The following PFKFB3 variants were observed in gnomAD, a reference collection of about 807,000 sequenced individuals.
PFKFB3 encodes 6-phosphofructo-2-kinase/fructose-2,6-biphosphatase 3, also known as 6-phosphofructo-2-kinase/fructose-2,6-bisphosphatase 3.
In PFKFB3, 33 loss-of-function variants were observed where a neutral mutation model predicts 68.0. That is an observed-to-expected ratio of 0.49 (90% confidence interval 0.37 to 0.65). The LOEUF (loss-of-function observed/expected upper bound fraction) is 0.65. PFKFB3 is among the 30% of genes least tolerant of loss of function. The pLI is 0.00. For synonymous variants in PFKFB3, 315 were observed against 288.2 expected, an observed-to-expected ratio of 1.09 and a Z score of -0.94; for missense variants, 586 against 712.2, an observed-to-expected ratio of 0.82 and a Z score of 2.02.
chr10:6,215,837 C>T lies in PFKFB3; in HGVS notation c.300-288C>T, dbSNP rs1844539177. 6.6e-6 allele frequency among the ~76,000 whole-genome samples: 1 copy of T among 152,200 alleles called. No homozygotes were observed. The highest frequency in any genetic ancestry group is 2.4e-5 in the African/African-American group (1 of 41,442). On this transcript the variant is annotated intron_variant, in intron 3 of 14. Transcript: ENST00000379775. The surrounding 1 kb of genome is among the most constrained non-coding windows in gnomAD (Gnocchi z 4.3). Reference sequence around the variant, plus strand: ...AGGCCCCACCCCAGACCAGTTAGTGCAACTCTGTGGGTGGCTCTGGGCAGC... The same window carrying T: ...AGGCCCCACCCCAGACCAGTTAGTGTAACTCTGTGGGTGGCTCTGGGCAGC...
upstream of PFKFB3, among the ~76,000 whole-genome samples, chr10:6,198,596 C>T (rs1198563641): frequency 6.6e-6 from 1 of 152,214 alleles, no homozygotes; most frequent in Non-Finnish European, 1.5e-5. Context: ...GATTCTTGTG[C>T]CTCAGCCTCC....
the PFKFB3 span, among the ~76,000 whole-genome samples, chr10:6,260,645 A>AT: frequency 6.6e-6 from 1 of 152,132 alleles, no homozygotes; most frequent in South Asian, 2.1e-4. Context: ...CATAAATCAC[A>AT]TTGTATGTAT....
At chr10:6,246,594 G>A (rs1468166996) in intron 14 of PFKFB3, among the ~76,000 whole-genome samples, 6 of 151,862 alleles carry the variant, frequency 4.0e-5, no homozygotes, top group Non-Finnish European at 8.8e-5. Flanking sequence ...CGCCCGCGTC[G>A]GCCTCCCAAA....
chr10:6,250,097 G>A (rs1846347312), intron 14 of PFKFB3, among the ~76,000 whole-genome samples: 1 of 152,128 alleles, frequency 6.6e-6, no homozygotes, highest in Non-Finnish European at 1.5e-5. Context: ...CCTACTACAG[G>A]GAAAGTGTTA....
the PFKFB3 span, among the ~76,000 whole-genome samples, chr10:6,284,661 T>G: frequency 6.6e-6 from 1 of 152,240 alleles, no homozygotes; most frequent in Non-Finnish European, 1.5e-5. Flanking sequence ...TTCATAGTGT[T>G]TGCCAAGTAT....
At position 6,223,966 on chromosome 10, in the gene PFKFB3, C is replaced by T. The variant is rs756837478; in HGVS notation, c.1222C>T (p.Pro408Ser). Residue 408 changes from proline (P) to serine (S), a missense_variant, in exon 12 of 15, where the codon CCC (proline) becomes TCC (serine). Coordinates refer to ENST00000379775, the MANE Select transcript of PFKFB3 (RefSeq NM_004566.4). ...TACAATTTCAATTTCAGAGGAGATG[C>T]CCTACCTGAAATGCCCTCTTCACAC... ...YFLDKSAEEM[P>S]YLKCPLHTVL... 1 of 1,613,696 alleles carries T rather than the reference C, an allele frequency of 6.2e-7. No homozygotes were observed. Among genetic ancestry groups the T allele is most frequent in the Non-Finnish European group, 8.5e-7 (1 of 1,179,694 alleles).
intron 1 of PFKFB3, among the ~76,000 whole-genome samples, chr10:6,190,795 C>T (rs972976923): frequency 1.1e-4 from 16 of 152,034 alleles, no homozygotes; most frequent in African/African-American, 3.1e-4. Flanking sequence ...CTATTTATTT[C>T]GGAGATAGGG....
chr10:6,221,978 G>T (rs1844995620), intron 10 of PFKFB3, among the ~76,000 whole-genome samples: 1 of 152,344 alleles, frequency 6.6e-6, no homozygotes, highest in East Asian at 1.9e-4. Flanking sequence ...CTATATGGGA[G>T]AGGAGGAAGG....
intron 1 of PFKFB3, among the ~76,000 whole-genome samples, chr10:6,191,228 T>C (rs530589890): frequency 6.6e-6 from 1 of 152,320 alleles, no homozygotes; most frequent in Non-Finnish European, 1.5e-5. Flanking sequence ...TAAAAATACG[T>C]TGATTGATTA....
the PFKFB3 span, among the ~76,000 whole-genome samples, chr10:6,291,315 C>G: frequency 2.0e-5 from 3 of 152,124 alleles, no homozygotes; most frequent in East Asian, 5.8e-4. Context: ...CCTATAATCC[C>G]AGCACTTTGG....
At chr10:6,178,530 G>C (rs944575147) in intron 1 of PFKFB3, among the ~76,000 whole-genome samples, 5 of 148,794 alleles carry the variant, frequency 3.4e-5, no homozygotes, top group African/African-American at 1.2e-4. Flanking sequence ...GGTCACAACA[G>C]GGAGGTGAAG....
At chr10:6,151,539 T>G (rs1841586731) in intron 1 of PFKFB3, among the ~76,000 whole-genome samples, 1 of 152,062 alleles carries the variant, frequency 6.6e-6, no homozygotes, top group South Asian at 2.1e-4. Flanking sequence ...ACAACTGTGC[T>G]TTCTTAGGGT....
At chr10:6,324,853 G>A in the PFKFB3 span, among the ~76,000 whole-genome samples, 1 of 152,006 alleles carries the variant, frequency 6.6e-6, no homozygotes, top group Non-Finnish European at 1.5e-5. Context: ...TGGAAGTAGA[G>A]CAGTGGATCT....
chr10:6,187,681 T>G (rs961868648), intron 1 of PFKFB3, among the ~76,000 whole-genome samples: 8 of 152,234 alleles, frequency 5.3e-5, no homozygotes, highest in African/African-American at 1.9e-4. Context: ...AATAGAATTT[T>G]TAGCTGCCAT....
intron 1 of PFKFB3, among the ~76,000 whole-genome samples, chr10:6,156,129 A>ATG (rs112267780): frequency 0.089 from 8,667 of 96,854 alleles, 278 homozygotes; most frequent in Non-Finnish European, 0.12. Context: ...GTACATATAT[A>ATG]TGTGTGTGTG....
chr10:6,213,074 G>A (rs1163945134), intron 1 of PFKFB3, among the ~76,000 whole-genome samples: 1 of 152,102 alleles, frequency 6.6e-6, no homozygotes, highest in African/African-American at 2.4e-5. Flanking sequence ...TAGGTTTAGC[G>A]CCCTGGGTAT....
chr10:6,256,089 G>A (rs759114890), downstream of PFKFB3, among the ~76,000 whole-genome samples: 5 of 152,116 alleles, frequency 3.3e-5, no homozygotes, highest in Admixed American at 6.6e-5. Flanking sequence ...TAGTCATTCC[G>A]CCCCCGGCCC....
chr10:6,176,485 G>T (rs555328958), intron 1 of PFKFB3, among the ~76,000 whole-genome samples: 1 of 152,152 alleles, frequency 6.6e-6, no homozygotes, highest in Non-Finnish European at 1.5e-5. Flanking sequence ...ATCGCTCACT[G>T]CAACCTCGAA....
chr10:6,277,429 C>A, the PFKFB3 span, among the ~76,000 whole-genome samples: 1 of 152,184 alleles, frequency 6.6e-6, no homozygotes, highest in East Asian at 1.9e-4. Context: ...CCATGTTGGC[C>A]AGGCTGGTCT....
Sources: gnomAD v4.1 joint callset for allele counts (sites outside exome capture counted in the v4.1 genomes callset) on GRCh38, gnomAD v4.1.1 for gene constraint, Gnocchi (gnomAD v3.1) non-coding constraint, MANE v1.5 for transcripts, NCBI Gene and HGNC (gene_info 2026-07-23, HGNC 2026-07-21) for gene names.